TEKT5: variants seen among roughly 807,000 people sequenced by gnomAD.
TEKT5 encodes the protein tektin 5.
In TEKT5, 52 loss-of-function variants were observed where a neutral mutation model predicts 48.7. The ratio of observed to expected loss-of-function variants is 1.07; its 90% confidence interval spans 0.86 to 1.35. The LOEUF (loss-of-function observed/expected upper bound fraction) is 1.35. Ranked by LOEUF, TEKT5 falls within the 40% of genes most tolerant of loss-of-function variation. The pLI, the probability that TEKT5 is intolerant of heterozygous loss-of-function variation, is 0.00. For missense variants in TEKT5, 831 were observed against 641.6 expected, an observed-to-expected ratio of 1.30 and a Z score of -3.19; for synonymous variants, 318 against 267.6, an observed-to-expected ratio of 1.19 and a Z score of -1.84.
intron 5 of TEKT5, among the ~76,000 whole-genome samples, chr16:10,666,743 G>A (rs1227812657): frequency 6.6e-6 from 1 of 152,168 alleles, no homozygotes. Context: ...TCAATACAAG[G>A]CGTGAGAACT....
intron 4 of TEKT5, among the ~76,000 whole-genome samples, chr16:10,680,752 C>T (rs1336645711): frequency 2.7e-5 from 4 of 149,124 alleles, no homozygotes; most frequent in African/African-American, 9.9e-5. Flanking sequence ...AGTAAACTAT[C>T]ACAAGAACAA....
intron 5 of TEKT5, among the ~76,000 whole-genome samples, chr16:10,651,275 T>A (rs1265813758): frequency 1.3e-5 from 2 of 152,136 alleles, no homozygotes; most frequent in Non-Finnish European, 2.9e-5. Context: ...TCCCTGACCA[T>A]CCCAGTTTAA....
intron 5 of TEKT5, among the ~76,000 whole-genome samples, chr16:10,637,616 G>C (rs1013479028): frequency 2.0e-5 from 3 of 152,246 alleles, no homozygotes; most frequent in African/African-American, 7.2e-5. Context: ...GCTAAGGTCT[G>C]AGAATGTTCT....
chr16:10,640,851 G>C (rs1035988401), intron 5 of TEKT5, among the ~76,000 whole-genome samples: 1 of 152,072 alleles, frequency 6.6e-6, no homozygotes, highest in Non-Finnish European at 1.5e-5. Context: ...CATATAGCTA[G>C]ACCACAATTT....
intron 4 of TEKT5, among the ~76,000 whole-genome samples, chr16:10,678,763 C>T (rs190561998): frequency 3.7e-4 from 56 of 152,332 alleles, no homozygotes; most frequent in African/African-American, 1.2e-3. Context: ...AACCTCTAAG[C>T]CCTTGTCCTC....
At chr16:10,627,865 C>T (rs534594801) in intron 6 of TEKT5, 66 bp from the exon 7 acceptor site, 1,245 of 1,455,584 alleles carry the variant, frequency 8.6e-4, no homozygotes, top group Non-Finnish European at 1.0e-3. Flanking sequence ...TTTTTTGAGA[C>T]AGAGTCTCAC....
At chr16:10,653,297 G>T (rs192188582) in intron 5 of TEKT5, among the ~76,000 whole-genome samples, 1 of 152,168 alleles carries the variant, frequency 6.6e-6, no homozygotes, top group Non-Finnish European at 1.5e-5. Context: ...TGGCGTAGAC[G>T]GCTCACCTCA....
chr16:10,661,096 C>G (rs1726344343), intron 5 of TEKT5, among the ~76,000 whole-genome samples: 1 of 152,164 alleles, frequency 6.6e-6, no homozygotes, highest in African/African-American at 2.4e-5. Context: ...TCAACCTGAC[C>G]ACTGTAGCAC....
At chr16:10,671,167 A>T (rs576599536) in intron 5 of TEKT5, among the ~76,000 whole-genome samples, 45 of 152,208 alleles carry the variant, frequency 3.0e-4, no homozygotes, top group Non-Finnish European at 6.0e-4. Flanking sequence ...AGCTCCAGAG[A>T]TTACCTCATT....
intron 5 of TEKT5, among the ~76,000 whole-genome samples, chr16:10,652,716 CACACACA>C (rs1898183988): frequency 9.2e-6 from 1 of 108,434 alleles, no homozygotes; most frequent in South Asian, 3.4e-4. Flanking sequence ...CACACACACA[CACACACA>C]CCCTCCAGGC....
intron 5 of TEKT5, among the ~76,000 whole-genome samples, chr16:10,658,955 T>C (rs1421016815): frequency 2.0e-5 from 3 of 152,146 alleles, no homozygotes; most frequent in Non-Finnish European, 2.9e-5. Flanking sequence ...TGGCCTCAAG[T>C]GATCCACCCA....
chr16:10,655,021 G>A (rs1045421270), intron 5 of TEKT5, among the ~76,000 whole-genome samples: 9 of 139,646 alleles, frequency 6.4e-5, no homozygotes, highest in African/African-American at 2.1e-4. Context: ...AAGACAATAG[G>A]AAATTCAGAT....
intron 5 of TEKT5, among the ~76,000 whole-genome samples, chr16:10,658,729 T>TTTC (rs1898308003): frequency 6.6e-6 from 1 of 151,488 alleles, no homozygotes; most frequent in Admixed American, 6.6e-5. Context: ...TTTTTCTTTT[T>TTTC]TTTTTTGAGA....
chr16:10,678,751 G>T (rs993156230), intron 4 of TEKT5, among the ~76,000 whole-genome samples: 1 of 152,192 alleles, frequency 6.6e-6, no homozygotes, highest in Non-Finnish European at 1.5e-5. Context: ...GTCATAAACA[G>T]CAACCTCTAA....
chr16:10,658,206 G>C (rs558080837), intron 5 of TEKT5, among the ~76,000 whole-genome samples: 2 of 152,292 alleles, frequency 1.3e-5, no homozygotes, highest in Non-Finnish European at 2.9e-5. Context: ...AAAGCCGTTT[G>C]ACAGAACCTA....
chr16:10,650,010 C>T (rs1898128405), intron 5 of TEKT5, among the ~76,000 whole-genome samples: 1 of 152,068 alleles, frequency 6.6e-6, no homozygotes, highest in Non-Finnish European at 1.5e-5. Context: ...AACCCCGTTC[C>T]ACTTTCTTCC....
chr16:10,645,684 T>C (rs1295781960), intron 5 of TEKT5, among the ~76,000 whole-genome samples: 19 of 152,108 alleles, frequency 1.2e-4, no homozygotes, highest in Non-Finnish European at 1.5e-5. Context: ...GCACCTGTAA[T>C]TCCAGCTACT....
intron 5 of TEKT5, among the ~76,000 whole-genome samples, chr16:10,645,366 G>T (rs1368918093): frequency 1.3e-5 from 2 of 151,822 alleles, no homozygotes; most frequent in African/African-American, 2.4e-5. Context: ...AAAAAAATTA[G>T]TCAGGTGTGG....
rs1335985350 is a variant in TEKT5 at position 10,694,327 on chromosome 16, C to A, written c.547G>T (p.Val183Leu). ...KRRLECAANE[V>L]NCPLQVALEC... The stretch of plus-strand genomic sequence containing the variant: ...GTACTCACCTGCAATGGGCAGTTCA[C>A]CTCATTGGCCGCGCACTCCAGCCGC... Residue 183 changes from valine to leucine, a missense_variant, in exon 1 of 7, where the codon GTG (valine) becomes TTG (leucine). Physicochemically the swap from Val to Leu is conservative, Grantham distance 32 (BLOSUM62 1). Transcript: ENST00000283025. The A allele has an allele frequency of 1.9e-6, 3 of 1,602,154 alleles. No homozygotes were observed. The highest frequency in any genetic ancestry group is 3.4e-5 in the Admixed American group (2 of 59,276).
Sources: gnomAD v4.1 joint callset for allele counts (sites outside exome capture counted in the v4.1 genomes callset) on GRCh38, gnomAD v4.1.1 for gene constraint, MANE v1.5 for transcripts, NCBI Gene and HGNC (gene_info 2026-07-23, HGNC 2026-07-21) for gene names.